C6orf163: variants seen among roughly 807,000 people sequenced by gnomAD.
The protein encoded by C6orf163 is uncharacterized protein C6orf163.
A neutral mutation model predicts 28.4 loss-of-function variants in C6orf163; 22 were observed. The ratio of observed to expected loss-of-function variants is 0.78; its 90% CI spans 0.55 to 1.11. The LOEUF is 1.11. C6orf163 is among the 50% of genes least tolerant of loss of function. The pLI is 0.00. For missense variants in C6orf163, 342 were observed against 389.1 expected (o/e 0.88, Z 1.02); for synonymous variants, 110 against 123.6 (o/e 0.89, Z 0.73).
At chr6:87,351,560 G>C (rs1053281172) in intron 3 of C6orf163, among the ~76,000 whole-genome samples, 8 of 152,216 alleles carry the variant, frequency 5.3e-5, no homozygotes, top group Non-Finnish European at 1.2e-4. Flanking sequence ...TGGTGTCTGA[G>C]GGGTTGGCTG....
chr6:87,346,105 T>C (rs986876543), intron 1 of C6orf163, among the ~76,000 whole-genome samples: 1 of 152,066 alleles, frequency 6.6e-6, no homozygotes, highest in Non-Finnish European at 1.5e-5. Flanking sequence ...CATCTCTCTT[T>C]TATCCCCGTA....
In C6orf163 at chr6:87,344,997, A is replaced by G. The variant is rs2127928614; in HGVS notation, c.-103A>G. On this transcript the variant is annotated 5_prime_UTR_variant, in exon 1 of 5. Coordinates refer to ENST00000388923, the MANE Select transcript of C6orf163 (RefSeq NM_001010868.3). ...CTCTAGCATTATCCTAAAACCCTGA[A>G]CCTCTTCCAGCTTTCTTAAACTTTC... The G allele has an allele frequency of 1.1e-6, 1 of 912,948 alleles. No homozygotes were observed. 56.6% of individuals were successfully genotyped at this position (912,948 alleles called of 1,614,324 possible).
chr6:87,361,061 G>A (rs1247767157), intron 4 of C6orf163, among the ~76,000 whole-genome samples: 3 of 152,140 alleles, frequency 2.0e-5, no homozygotes, highest in African/African-American at 7.2e-5. Flanking sequence ...CACTTTGGGA[G>A]GCTGAGGTAG....
At chr6:87,353,941 TC>T (rs1403265728) in intron 3 of C6orf163, among the ~76,000 whole-genome samples, 2 of 152,212 alleles carry the variant, frequency 1.3e-5, no homozygotes, top group Non-Finnish European at 2.9e-5. Context: ...AACCTCTGCC[TC>T]CTGAGTTCAA....
intron 4 of C6orf163, chr6:87,357,263 C>T (rs1393070804): frequency 6.6e-6 from 1 of 152,182 alleles, no homozygotes; most frequent in Non-Finnish European, 1.5e-5. Flanking sequence ...CAGTTAGGAG[C>T]TCAGGGATTG....
rs1562230899 is a variant in C6orf163, at chr6:87,356,352, ATGAAGAGAGAGCACT to A, written c.406_420del (p.Lys136_Leu140del). 1 of 1,551,766 alleles carries A rather than the reference ATGAAGAGAGAGCACT, an allele frequency of 6.4e-7. No individual in the cohort carries two copies. The highest frequency in any genetic ancestry group is 8.7e-7 in the Non-Finnish European group (1 of 1,147,000). ...GATGTATCAAAACATGGATGACGAA[ATGAAGAGAGAGCACT>A]TGGCTGCAGAACAGCGCATGGTCCA... On this transcript the variant is annotated inframe_deletion, in exon 4 of 5. Transcript: ENST00000388923.
chr6:87,362,117 GAAC>G (rs1777588693), intron 4 of C6orf163, among the ~76,000 whole-genome samples: 2 of 152,174 alleles, frequency 1.3e-5, no homozygotes, highest in Non-Finnish European at 2.9e-5. Context: ...GTGTGACATT[GAAC>G]AACAACTCAC....
intron 4 of C6orf163, among the ~76,000 whole-genome samples, chr6:87,360,402 T>TTC (rs1777564902): frequency 1.3e-5 from 2 of 150,486 alleles, no homozygotes; most frequent in African/African-American, 4.9e-5. Flanking sequence ...GCATGAATTT[T>TTC]TTTTTTTTTT....
At position 87,365,070 on chromosome 6, in the gene C6orf163, G is replaced by A. The variant is rs367776534; in HGVS notation, c.664G>A (p.Gly222Ser). 300 of 1,551,930 alleles carry A rather than the reference G, an allele frequency of 1.9e-4. No homozygotes were observed. In the East Asian group the frequency reaches 5.7e-3, roughly 29 times the overall value. ...AGAACATGAAATGAGCATCCTCTAT[G>A]GCATAGCTCAGAGGCAGAGGCAAGA... is the stretch of plus-strand genomic sequence containing the variant. ...EKEHEMSILY[G>S]IAQRQRQEEV... The change falls in exon 5 of 5, where the codon GGC (glycine) becomes AGC (serine). Residue 222 changes from glycine to serine, a missense_variant. Physicochemically the swap from Gly to Ser is moderately conservative, Grantham distance 56. Transcript: ENST00000388923.
chr6:87,347,828 A>G, intron 1 of C6orf163: 1 of 985,546 alleles, frequency 1.0e-6, no homozygotes, highest in Non-Finnish European at 1.2e-6. Flanking sequence ...GTGGATCCAG[A>G]TAGCTCTAAG....
Position 87,348,844 on chromosome 6 carries a change from C to G in C6orf163, c.181C>G (p.Gln61Glu), listed in dbSNP as rs1319869554. The change falls in exon 2 of 5, where the codon CAG becomes GAG. Residue 61 changes from glutamine (Q) to glutamate (E), a missense_variant. Transcript: ENST00000388923. The stretch of plus-strand genomic sequence containing the variant: ...GGCAAATATTCTGAAAAAAGAAGAG[C>G]AGTTTCAAGAAGATATACTCAGAGA... ...IGANILKKEE[Q>E]FQEDILREHI... 6 of 1,537,354 alleles carry G rather than the reference C, an allele frequency of 3.9e-6. No individual in the cohort carries two copies. The highest frequency in any genetic ancestry group is 3.3e-4 in the Middle Eastern group (2 of 6,016).
At position 87,364,973 on chromosome 6, in the gene C6orf163, G is replaced by A; in HGVS notation, c.567G>A (p.Glu189=). 6.5e-7 allele frequency: 1 copy of A among 1,542,296 alleles called. No individual in the cohort carries two copies. The highest frequency in any genetic ancestry group is 1.7e-4 in the Middle Eastern group (1 of 5,944). The part of the protein sequence containing the change: ...AIQAQKSKAV[E]EIVNTGVTVI... ...TTATCTTTTGTAGCAAAGCCGTGGA[G>A]GAAATTGTGAATACTGGTGTCACAG... Residue 189 remains glutamate, a synonymous_variant, in exon 5 of 5, where the codon GAG becomes GAA. Transcript: ENST00000388923.
intron 1 of C6orf163, among the ~76,000 whole-genome samples, chr6:87,347,086 C>G (rs1448519979): frequency 2.0e-4 from 30 of 152,170 alleles, no homozygotes; most frequent in Admixed American, 2.0e-3. Context: ...GTTCCATCAC[C>G]ACAAAGGAAC....
At chr6:87,356,960 T>G (rs1777512355) in intron 4 of C6orf163, 1 of 153,978 alleles carries the variant, frequency 6.5e-6, no homozygotes, top group African/African-American at 2.4e-5. Context: ...TTTGTGTTAC[T>G]TTTTGGTCTT....
intron 4 of C6orf163, among the ~76,000 whole-genome samples, chr6:87,362,514 G>C (rs1777596128): frequency 6.6e-6 from 1 of 152,142 alleles, no homozygotes; most frequent in South Asian, 2.1e-4. Context: ...ATGGGTTATT[G>C]TGAAAATTAA....
chr6:87,363,593 A>G (rs11755683), intron 4 of C6orf163, among the ~76,000 whole-genome samples: 1 of 151,114 alleles, frequency 6.6e-6, no homozygotes, highest in Non-Finnish European at 1.5e-5. Context: ...GAGAATATGC[A>G]GTGTTTGGTT....
chr6:87,347,345 T>C (rs1209656036), intron 1 of C6orf163: 1 of 946,520 alleles, frequency 1.1e-6, no homozygotes, highest in Non-Finnish European at 1.3e-6. Flanking sequence ...GCAGGGATCC[T>C]GTTGTACAAT....
intron 1 of C6orf163, 37 bp from the exon 2 acceptor site, chr6:87,348,775 G>A (rs556142158): frequency 7.8e-6 from 12 of 1,533,876 alleles, no homozygotes; most frequent in Middle Eastern, 1.7e-4. Flanking sequence ...GGAAGCAGTC[G>A]GTGGAGGTTT....
intron 1 of C6orf163, 70 bp from the exon 2 acceptor site, chr6:87,348,742 G>C: frequency 1.3e-6 from 2 of 1,520,408 alleles, no homozygotes; most frequent in Non-Finnish European, 1.8e-6. Flanking sequence ...TAAATAACTA[G>C]ATAATGGTGG....
Sources: allele counts gnomAD v4.1 joint callset (sites outside exome capture counted in the v4.1 genomes callset), GRCh38; gene constraint gnomAD v4.1.1; transcripts MANE v1.5; gene names NCBI Gene and HGNC (gene_info 2026-07-23, HGNC 2026-07-21).